EMC1: variants seen among roughly 807,000 people sequenced by gnomAD.
The protein encoded by EMC1 is KIAA0090.
A neutral mutation model predicts 128.8 loss-of-function variants in EMC1; 103 were observed. The ratio of observed to expected loss-of-function variants is 0.80; its 90% CI spans 0.68 to 0.94. The LOEUF is 0.94. Among genes scored for constraint, EMC1 ranks in the 40% least tolerant of loss-of-function variants. The pLI is 0.00. For missense variants in EMC1, 1,083 were observed against 1,250.6 expected, an observed-to-expected ratio of 0.87 and a Z score of 2.02; for synonymous variants, 442 against 490.4, an observed-to-expected ratio of 0.90 and a Z score of 1.30.
intron 19 of EMC1, 169 bp from the exon 20 acceptor site, chr1:19,223,003 T>C: frequency 1.7e-6 from 1 of 599,690 alleles, no homozygotes. Context: ...TCAAAGTAGT[T>C]TTATCTAGGC....
At chr1:19,240,590 T>C in intron 6 of EMC1, 144 bp from the exon 7 acceptor site, 1 of 863,368 alleles carries the variant, frequency 1.2e-6, no homozygotes, top group East Asian at 2.6e-5. Flanking sequence ...GAGTTCTTCC[T>C]GTCCCCTGAA....
At chr1:19,226,186 A>G (rs751370812) in intron 18 of EMC1, among the ~76,000 whole-genome samples, 2 of 152,170 alleles carry the variant, frequency 1.3e-5, no homozygotes, top group Non-Finnish European at 2.9e-5. Context: ...ATTCTCTCCC[A>G]TAACAGTTTT....
chr1:19,242,778 G>A (rs931461382), intron 4 of EMC1, among the ~76,000 whole-genome samples: 2 of 152,202 alleles, frequency 1.3e-5, no homozygotes, highest in Non-Finnish European at 2.9e-5. Context: ...AGACAGTGCT[G>A]TCATTACTGT....
At chr1:19,250,340 CCATT>C (rs574838173) in intron 1 of EMC1, among the ~76,000 whole-genome samples, 10 of 151,514 alleles carry the variant, frequency 6.6e-5, no homozygotes, top group Admixed American at 2.0e-4. Context: ...TTAGGAAATG[CCATT>C]CATTCATTCA....
intron 13 of EMC1, among the ~76,000 whole-genome samples, chr1:19,233,737 A>G (rs2093541913): frequency 6.6e-6 from 1 of 152,200 alleles, no homozygotes; most frequent in Non-Finnish European, 1.5e-5. Context: ...GATGCAAGGA[A>G]GCAAGGTAAA....
chr1:19,239,983 A>C lies in EMC1; in HGVS notation c.789T>G (p.Ser263=), dbSNP rs769321069. ...ATCCACTTCCAAATTCTAAGTCGAG[A>C]GACTGGAAGGCAAGAAGGAGGAGGA... ...EWELRQIPLQ[S]LDLEFGSGFQ... is the part of the protein sequence containing the mutation. The change falls in exon 8 of 23, where the codon TCT becomes TCG. Residue 263 remains serine, a splice_region_variant and synonymous_variant. Transcript: ENST00000477853. The C allele has an allele frequency of 1.2e-6, 2 of 1,609,998 alleles. No homozygotes were observed. Among genetic ancestry groups the C allele is most frequent in the Admixed American group, 3.4e-5 (2 of 59,614 alleles).
Position 19,240,416 on chromosome 1 carries a change from G to T in EMC1, c.667C>A (p.Leu223Met). Residue 223 changes from leucine (L) to methionine (M), a missense_variant, in exon 7 of 23, where the codon CTG (leucine) becomes ATG (methionine). Transcript: ENST00000477853. ...TCCACCACACCACAGGCTCCAGACA[G>T]GTGCTGCAGCCACGGAGTTGAAACC... ...VRVSTPWLQH[L>M]SGACGVVDEA... 6.2e-7 allele frequency: 1 copy of T among 1,614,186 alleles called. No individual in the cohort carries two copies.
chr1:19,233,128 C>T lies in EMC1; in HGVS notation c.1440G>A (p.Leu480=). The T allele has an allele frequency of 1.2e-6, 2 of 1,613,744 alleles. No individual in the cohort carries two copies. Among genetic ancestry groups the T allele is most frequent in the Non-Finnish European group, 1.7e-6 (2 of 1,179,782 alleles). The change falls in exon 14 of 23, where the codon TTG becomes TTA. Residue 480 remains leucine (L), a synonymous_variant. Coordinates refer to ENST00000477853, the MANE Select transcript of EMC1 (RefSeq NM_015047.3). ...AGAGGCGTTTCAGGAACATCCCCAG[C>T]AAGCCATCTGGTGTAAAGGAAAAGT... ...EGEFGKKADG[L]LGMFLKRLSS...
At chr1:19,222,956 C>G in intron 19 of EMC1, 122 bp from the exon 20 acceptor site, 1 of 697,314 alleles carries the variant, frequency 1.4e-6, no homozygotes, top group Non-Finnish European at 2.4e-6. Flanking sequence ...TCAACTAGCA[C>G]CTCACTTTTC....
chr1:19,222,580 G>T (rs1179549526), intron 20 of EMC1, 44 bp downstream of exon 20: 1 of 1,560,080 alleles, frequency 6.4e-7, no homozygotes, highest in South Asian at 1.1e-5. Flanking sequence ...AAGTGTGGTT[G>T]CCCAAGGGAA....
chr1:19,244,140 T>A, intron 2 of EMC1, 125 bp from the exon 3 acceptor site: 1 of 883,082 alleles, frequency 1.1e-6, no homozygotes, highest in Non-Finnish European at 1.8e-6. Flanking sequence ...AGTGAAGGAG[T>A]ATAGCTAACT....
chr1:19,239,730 C>T (rs1304608903), intron 8 of EMC1, 88 bp downstream of exon 8: 16 of 1,413,618 alleles, frequency 1.1e-5, no homozygotes, highest in East Asian at 9.3e-5. Context: ...TAAGAGCAAA[C>T]GTTTCCAGAT....
chr1:19,224,343 T>TA (rs1291057591), intron 18 of EMC1, among the ~76,000 whole-genome samples: 5 of 152,146 alleles, frequency 3.3e-5, no homozygotes, highest in Admixed American at 2.6e-4. Context: ...ACTAAGAAAT[T>TA]ATCTCAGTAT....
At chr1:19,240,160 C>A in intron 7 of EMC1, 137 bp downstream of exon 7, 1 of 1,245,512 alleles carries the variant, frequency 8.0e-7, no homozygotes, top group Non-Finnish European at 1.1e-6. Context: ...CCTCTTACAC[C>A]AGTTCAGCCA....
chr1:19,220,877 C>T (rs757043570), intron 20 of EMC1, 29 bp from the exon 21 acceptor site: 13 of 1,515,560 alleles, frequency 8.6e-6, no homozygotes, highest in South Asian at 8.0e-5. Flanking sequence ...ATGTTCACAC[C>T]GATCCAGTGT....
At chr1:19,246,743 G>A (rs1482716426) in intron 1 of EMC1, among the ~76,000 whole-genome samples, 1 of 152,054 alleles carries the variant, frequency 6.6e-6, no homozygotes. Context: ...TCATGCCACT[G>A]TACTCCGGCG....
At position 19,239,860 on chromosome 1, in the gene EMC1, C is replaced by A. The variant is rs537594873; in HGVS notation, c.912G>T (p.Gln304His). Residue 304 changes from glutamine to histidine, a missense_variant, in exon 8 of 23, where the codon CAG (glutamine) becomes CAT (histidine). By Grantham distance (24) the Gln-to-His change is conservative. Around this residue, in one of 3 missense-constraint regions of EMC1, gnomAD observed 544 missense variants for 572.4 expected, o/e 0.95. Transcript: ENST00000477853. The part of the protein sequence containing the change: ...HLSPSHYALL[Q>H]YHYGTLSLLK... ...GCAAACTCAGCGTTCCATAATGGTACTGCAGCAGAGCATAGTGGCTTGGGG... is the reference window on the plus strand; with the variant it reads ...GCAAACTCAGCGTTCCATAATGGTAATGCAGCAGAGCATAGTGGCTTGGGG... The A allele has an allele frequency of 6.8e-5, 109 of 1,614,122 alleles. 1 individual carries two copies. In the Middle Eastern group the frequency reaches 1.3e-3, roughly 20 times the overall value.
chr1:19,246,319 A>T (rs55689911), intron 1 of EMC1, among the ~76,000 whole-genome samples: 1 of 151,894 alleles, frequency 6.6e-6, no homozygotes, highest in African/African-American at 2.4e-5. Flanking sequence ...GAACTCAGGA[A>T]GCAGAGGTTG....
chr1:19,233,166 A>G, intron 13 of EMC1, 31 bp from the exon 14 acceptor site: 1 of 1,582,590 alleles, frequency 6.3e-7, no homozygotes, highest in Non-Finnish European at 8.7e-7. Context: ...CATACTCTAC[A>G]TCAGACTAGG....
Sources: allele counts gnomAD v4.1 joint callset (sites outside exome capture counted in the v4.1 genomes callset), GRCh38; gene constraint gnomAD v4.1.1; regional missense constraint gnomAD v4.1.1; transcripts MANE v1.5; gene names NCBI Gene and HGNC (gene_info 2026-07-23, HGNC 2026-07-21).